The following OXNAD1 variants were observed in gnomAD, a reference collection of about 807,000 sequenced individuals.
OXNAD1 encodes oxidoreductase NAD-binding domain-containing protein 1.
A neutral mutation model predicts 32.9 loss-of-function variants in OXNAD1; 34 were observed. The observed-to-expected ratio is 1.03, with a 90% CI of 0.79 to 1.38. The LOEUF (loss-of-function observed/expected upper bound fraction) is 1.38, where lower values mean the gene tolerates loss of function less well. Among genes scored for constraint, OXNAD1 ranks in the 40% most tolerant of loss-of-function variants. The pLI, the probability that OXNAD1 is intolerant of heterozygous loss-of-function variation, is 0.00. For synonymous variants in OXNAD1, 134 were observed against 135.2 expected (o/e 0.99, Z 0.06); for missense variants, 407 against 379.4 (o/e 1.07, Z -0.60).
rs1312966231 is a variant in OXNAD1, at chr3:16,316,773, G to A, written c.*30+13181G>A. On this transcript the variant is annotated intron_variant, in intron 9 of 9. Transcript: ENST00000435829. This position sits in a 1 kb window ranked among gnomAD's most constrained non-coding sequence, Gnocchi z 4.5. ...AAACCAGCCCCCAAACCAGCTGTTG[G>A]TAAGATGCCTTGGGTTTGGCAACTC... The A allele has an allele frequency of 6.2e-7, 1 of 1,604,278 alleles. No individual in the cohort carries two copies.
downstream of OXNAD1, among the ~76,000 whole-genome samples, chr3:16,350,630 G>A (rs1038802744): frequency 6.6e-5 from 10 of 152,092 alleles, no homozygotes; most frequent in East Asian, 1.9e-3. Flanking sequence ...GTAGATCTGA[G>A]GCTATTCTGA....
In OXNAD1 at chr3:16,284,049, T is replaced by G. The variant is rs79053641; in HGVS notation, c.184-2293T>G. 1.3e-3 allele frequency among the ~76,000 whole-genome samples: 193 copies of G among 152,234 alleles called. 1 individual carries two copies. The highest frequency in any genetic ancestry group is 3.9e-3 in the South Asian group (19 of 4,826). ...GCTATAGAAGAGCTGATTGTCTCAG[T>G]AGAGGAAGAGACGAAAGGCAAGATT... On this transcript the variant is annotated intron_variant, in intron 4 of 8. Transcript: ENST00000285083. The surrounding 1 kb of genome is among the most constrained non-coding windows in gnomAD (Gnocchi z 4.1).
At chr3:16,269,797 A>G (rs1353770175) in intron 2 of OXNAD1, among the ~76,000 whole-genome samples, 2 of 152,238 alleles carry the variant, frequency 1.3e-5, no homozygotes, top group Admixed American at 1.3e-4. Context: ...ATTAATTTAT[A>G]TACTGCCTCC....
intron 6 of OXNAD1, among the ~76,000 whole-genome samples, chr3:16,300,709 C>T (rs2067119637): frequency 6.6e-6 from 1 of 152,188 alleles, no homozygotes; most frequent in African/African-American, 2.4e-5. Context: ...TGTAAGTACT[C>T]CTACAATGGC....
intron 9 of OXNAD1, among the ~76,000 whole-genome samples, chr3:16,318,268 A>G (rs1239915719): frequency 2.0e-5 from 3 of 152,142 alleles, no homozygotes; most frequent in African/African-American, 4.8e-5. Flanking sequence ...AGTTCCCACC[A>G]TGGCCACTTC....
downstream of OXNAD1, among the ~76,000 whole-genome samples, chr3:16,310,863 G>A (rs912620093): frequency 1.3e-5 from 2 of 151,938 alleles, no homozygotes; most frequent in African/African-American, 4.8e-5. Context: ...GGTGGTGCAT[G>A]CCTGTAATCC....
At chr3:16,341,275 C>T (rs2071301510), downstream of OXNAD1, among the ~76,000 whole-genome samples, 1 of 152,208 alleles carries the variant, frequency 6.6e-6, no homozygotes, top group Non-Finnish European at 1.5e-5. This position sits in a 1 kb window ranked among gnomAD's most constrained non-coding sequence, Gnocchi z 4.7. Flanking sequence ...ACATACTTTA[C>T]AATATGATCC....
At chr3:16,325,855 A>T (rs750444507) in intron 9 of OXNAD1, among the ~76,000 whole-genome samples, 5 of 152,220 alleles carry the variant, frequency 3.3e-5, no homozygotes, top group Non-Finnish European at 5.9e-5. Flanking sequence ...CATGCTGTCC[A>T]TCACTCTGCA....
chr3:16,341,548 A>G (rs7615111), downstream of OXNAD1, among the ~76,000 whole-genome samples: 1,844 of 152,302 alleles, frequency 0.012, 25 homozygotes, highest in African/African-American at 0.042. The surrounding 1 kb of genome is among the most constrained non-coding windows in gnomAD (Gnocchi z 4.7). Flanking sequence ...GGAAAAGGCT[A>G]CATACTGTAT....
intron 1 of OXNAD1, 53 bp from the exon 2 acceptor site, chr3:16,269,073 T>G: frequency 1.4e-6 from 2 of 1,379,438 alleles, no homozygotes; most frequent in Non-Finnish European, 1.9e-6. Context: ...GAGGTAATAG[T>G]GCTTTTGATC....
Position 16,348,427 on chromosome 3 carries a change from C to T in OXNAD1, c.*31-749C>T, listed in dbSNP as rs1011013983. Among the ~76,000 whole-genome samples the T allele has an allele frequency of 2.0e-5, 3 of 152,184 alleles. No homozygotes were observed. The highest frequency in any genetic ancestry group is 7.2e-5 in the African/African-American group (3 of 41,438). On this transcript the variant is annotated intron_variant, in intron 9 of 9. Coordinates refer to the OXNAD1 transcript ENST00000606098. The surrounding 1 kb of genome is among the most constrained non-coding windows in gnomAD (Gnocchi z 6.3). ...CCTCTGCTCCTGTCACTTCCCACAG[C>T]AGGAAGCCCCCACACTCAATTCCCT...
intron 9 of OXNAD1, among the ~76,000 whole-genome samples, chr3:16,347,267 GGAGA>G (rs1433635570): frequency 2.6e-5 from 4 of 152,212 alleles, no homozygotes; most frequent in African/African-American, 9.7e-5. Context: ...GGGCAACCCT[GGAGA>G]GACGTCCATG....
At chr3:16,332,608 ACAT>A (rs1437998134) in intron 9 of OXNAD1, among the ~76,000 whole-genome samples, 1 of 152,180 alleles carries the variant, frequency 6.6e-6, no homozygotes, top group Non-Finnish European at 1.5e-5. Context: ...TCTGCAGTTC[ACAT>A]CCCCCAACCT....
intron 9 of OXNAD1, chr3:16,326,863 T>C: frequency 6.2e-7 from 1 of 1,613,812 alleles, no homozygotes; most frequent in Non-Finnish European, 8.5e-7. Flanking sequence ...GTAGTCTGTC[T>C]GCACTTCGAC....
chr3:16,306,613 C>T (rs2067581487), downstream of OXNAD1, among the ~76,000 whole-genome samples: 1 of 152,258 alleles, frequency 6.6e-6, no homozygotes, highest in South Asian at 2.1e-4. Context: ...TTTTTTCCCC[C>T]ATGATTCATT....
intron 4 of OXNAD1, among the ~76,000 whole-genome samples, chr3:16,282,450 T>C (rs111638287): frequency 2.6e-5 from 4 of 152,316 alleles, no homozygotes; most frequent in South Asian, 2.1e-4. Flanking sequence ...TTCAAGTTTT[T>C]ATTCATTCTG....
downstream of OXNAD1, among the ~76,000 whole-genome samples, chr3:16,337,576 T>C (rs1188316808): frequency 6.6e-6 from 1 of 151,720 alleles, no homozygotes; most frequent in Non-Finnish European, 1.5e-5. The surrounding 1 kb of genome is among the most constrained non-coding windows in gnomAD (Gnocchi z 5.0). Context: ...ACCTCGTCTC[T>C]ACTAAAAATA....
Position 16,329,187 on chromosome 3 carries a change from C to T in OXNAD1, c.*31-7925C>T, listed in dbSNP as rs1462094640. On this transcript the variant is annotated intron_variant, in intron 9 of 9. Coordinates refer to the OXNAD1 transcript ENST00000435829. The surrounding 1 kb of genome is among the most constrained non-coding windows in gnomAD (Gnocchi z 4.5). ...TTTCTGCGCTTCCGCCTCGGGATGA[C>T]GCAGCAAGAAGGCCCTCACAAGATG... 2.6e-5 allele frequency among the ~76,000 whole-genome samples: 4 copies of T among 152,206 alleles called. No individual in the cohort carries two copies. Among genetic ancestry groups the T allele is most frequent in the Admixed American group, 6.5e-5 (1 of 15,288 alleles).
intron 2 of OXNAD1, among the ~76,000 whole-genome samples, chr3:16,270,717 A>C (rs1303283285): frequency 2.0e-5 from 3 of 152,188 alleles, no homozygotes; most frequent in African/African-American, 7.2e-5. Context: ...TGATAATACC[A>C]AAAATTACAT....
Sources: allele counts gnomAD v4.1 joint callset (sites outside exome capture counted in the v4.1 genomes callset), GRCh38; gene constraint gnomAD v4.1.1; non-coding constraint Gnocchi (gnomAD v3.1); transcripts MANE v1.5; gene names NCBI Gene and HGNC (gene_info 2026-07-23, HGNC 2026-07-21).